Variants in PCDHA8 observed in about 807,000 individuals in gnomAD.
The protein encoded by PCDHA8 is protocadherin alpha 8.
In PCDHA8, 53 loss-of-function variants were observed where a neutral mutation model predicts 61.8. The observed-to-expected ratio is 0.86, with a 90% CI of 0.69 to 1.08. The LOEUF (loss-of-function observed/expected upper bound fraction) is 1.08, where lower values mean the gene tolerates loss of function less well. Ranked by LOEUF, PCDHA8 falls within the 50% of genes least tolerant of loss-of-function variation. The pLI is 0.00. For synonymous variants in PCDHA8, 618 were observed against 556.6 expected (o/e 1.11, Z -1.55); for missense variants, 1,293 against 1,245.0 (o/e 1.04, Z -0.58).
chr5:141,010,034 A>G lies in PCDHA8; in HGVS notation c.*97A>G. On this transcript the variant is annotated 3_prime_UTR_variant, in exon 4 of 4. Transcript: ENST00000531613. Reference sequence around the variant, plus strand: ...CCTGCTCCTTTTTCCTATCTACATGAGCCCTCTTAGAGACCTCAGAAATCT... The same window carrying G: ...CCTGCTCCTTTTTCCTATCTACATGGGCCCTCTTAGAGACCTCAGAAATCT... 6.3e-7 allele frequency: 1 copy of G among 1,582,208 alleles called. No individual in the cohort carries two copies.
In PCDHA8 at chr5:140,850,584, A is replaced by G. The variant is rs1484372356; in HGVS notation, c.2394+6869A>G. On this transcript the variant is annotated intron_variant, in intron 1 of 3. Transcript: ENST00000531613. Reference sequence around the variant, plus strand: ...CCCCGAGGTGACGCTGGTGGATGTCAACGTGTACCTGATCATCGCCATCTG... The same window carrying G: ...CCCCGAGGTGACGCTGGTGGATGTCGACGTGTACCTGATCATCGCCATCTG... The G allele has an allele frequency of 2.5e-6, 4 of 1,598,362 alleles. 1 individual carries two copies. The highest frequency in any genetic ancestry group is 3.4e-6 in the Non-Finnish European group (4 of 1,167,826).
chr5:140,890,945 G>A (rs2062873584), intron 1 of PCDHA8, among the ~76,000 whole-genome samples: 1 of 152,132 alleles, frequency 6.6e-6, no homozygotes, highest in Non-Finnish European at 1.5e-5. Flanking sequence ...AGATGCTGGT[G>A]AGGAATGATT....
At chr5:140,903,687 T>C (rs1554191081) in intron 1 of PCDHA8, among the ~76,000 whole-genome samples, 1 of 152,228 alleles carries the variant, frequency 6.6e-6, no homozygotes, top group Non-Finnish European at 1.5e-5. Context: ...GTTTGGTAAA[T>C]AGTTTAAAAT....
intron 1 of PCDHA8, among the ~76,000 whole-genome samples, chr5:140,960,168 T>C (rs569250147): frequency 9.2e-5 from 14 of 152,300 alleles, no homozygotes; most frequent in African/African-American, 3.1e-4. Flanking sequence ...AATACAATTC[T>C]TAAGTTAGGG....
In PCDHA8 at chr5:140,848,841, G is replaced by A. The variant is rs2150422504; in HGVS notation, c.2394+5126G>A. The A allele has an allele frequency of 3.6e-5, 57 of 1,590,472 alleles. 1 individual carries two copies. In the African/African-American group the frequency reaches 7.3e-4, roughly 20 times the overall value. On this transcript the variant is annotated intron_variant, in intron 1 of 3. Transcript: ENST00000531613. ...GGTGATCGTAGACAGGCCGCTGCAG[G>A]TTTTCCATGTGGACGTGGAGGTGAA...
At chr5:140,968,062 G>A in intron 1 of PCDHA8, 2 of 1,614,120 alleles carry the variant, frequency 1.2e-6, no homozygotes, top group Non-Finnish European at 1.7e-6. Flanking sequence ...GAGAGCGGGT[G>A]GCTGTCTACA....
intron 1 of PCDHA8, chr5:140,927,238 G>A (rs782670286): frequency 1.2e-6 from 2 of 1,614,122 alleles, no homozygotes; most frequent in Non-Finnish European, 1.7e-6. Flanking sequence ...TCACGTCCTG[G>A]ACACCAATGA....
At chr5:140,896,450 C>G (rs1009231622) in intron 1 of PCDHA8, among the ~76,000 whole-genome samples, 5 of 152,092 alleles carry the variant, frequency 3.3e-5, no homozygotes, top group Admixed American at 1.3e-4. Flanking sequence ...GCAACCTCCA[C>G]CTCCTGGGTT....
chr5:140,924,437 T>A (rs2081836231), intron 1 of PCDHA8, among the ~76,000 whole-genome samples: 1 of 152,206 alleles, frequency 6.6e-6, no homozygotes, highest in Admixed American at 6.5e-5. Flanking sequence ...CTAGAAGAGA[T>A]AACGAATGGG....
At chr5:140,853,249 A>G in intron 1 of PCDHA8, 1 of 975,702 alleles carries the variant, frequency 1.0e-6, no homozygotes, top group Non-Finnish European at 1.2e-6. Flanking sequence ...ATTAATCTCT[A>G]TTCTCTCTCA....
Position 140,841,368 on chromosome 5 carries a change from T to C in PCDHA8, c.47T>C (p.Leu16Pro), listed in dbSNP as rs2150314322. The C allele has an allele frequency of 9.3e-6, 15 of 1,613,308 alleles. No homozygotes were observed. Among genetic ancestry groups the C allele is most frequent in the Non-Finnish European group, 1.3e-5 (15 of 1,179,674 alleles). The change falls in exon 1 of 4, where the codon CTC becomes CCC. Residue 16 changes from leucine (L) to proline (P), a missense_variant. Leu to Pro is a moderately conservative substitution (Grantham distance 98). Transcript: ENST00000531613. ...RGELGSWRLL[L>P]LLLLLAAWKV... ...GAGCTGGGATCCTGGCGACTACTAC[T>C]CTTGCTTCTGCTCCTCGCAGCCTGG...
rs1554206636 is a variant in PCDHA8, at chr5:140,929,056, A to G, written c.2395-49893A>G. The G allele has an allele frequency of 1.2e-6, 2 of 1,614,064 alleles. No individual in the cohort carries two copies. Among genetic ancestry groups the G allele is most frequent in the Non-Finnish European group, 1.7e-6 (2 of 1,180,034 alleles). On this transcript the variant is annotated intron_variant, in intron 1 of 3. Transcript: ENST00000531613. ...TTGCGCTCAGAGCTGCTGTCGCTCTACAGAGGATCTGAGGTATGGAAGTAA... is the reference window on the plus strand; with the variant it reads ...TTGCGCTCAGAGCTGCTGTCGCTCTGCAGAGGATCTGAGGTATGGAAGTAA...
intron 3 of PCDHA8, among the ~76,000 whole-genome samples, chr5:140,989,495 A>G (rs1408191575): frequency 6.6e-6 from 1 of 152,136 alleles, no homozygotes; most frequent in African/African-American, 2.4e-5. Context: ...AACAAGAAAG[A>G]CCTGCTTATA....
chr5:140,882,666 T>G, intron 1 of PCDHA8: 1 of 1,614,160 alleles, frequency 6.2e-7, no homozygotes, highest in Non-Finnish European at 8.5e-7. Flanking sequence ...CCGCCCATAT[T>G]CCCTGAAAGC....
Position 140,906,732 on chromosome 5 carries a change from T to G in PCDHA8, c.2394+63017T>G, listed in dbSNP as rs535007647. On this transcript the variant is annotated intron_variant, in intron 1 of 3. Coordinates refer to ENST00000531613, the MANE Select transcript of PCDHA8 (RefSeq NM_018911.3). ...CTGCCTGGATTGTGCTGTTGTAGTT[T>G]CCCATTGACACAGGGCATGGTAATA... Among the ~76,000 whole-genome samples, 14 of 152,296 alleles carry G rather than the reference T, an allele frequency of 9.2e-5. No individual in the cohort carries two copies. The South Asian group carries it at 2.7e-3, about 29-fold the overall frequency.
intron 1 of PCDHA8, chr5:140,867,441 G>A (rs1188505395): frequency 1.3e-5 from 2 of 152,032 alleles, no homozygotes; most frequent in African/African-American, 4.8e-5. Flanking sequence ...GCATTTACCT[G>A]AATTAGAGTT....
At chr5:140,890,248 A>G (rs2062564503) in intron 1 of PCDHA8, among the ~76,000 whole-genome samples, 1 of 152,096 alleles carries the variant, frequency 6.6e-6, no homozygotes, top group Non-Finnish European at 1.5e-5. Context: ...CCAGTACACT[A>G]CTGCACCTGA....
rs568722959 is a variant in PCDHA8 at position 140,970,085 on chromosome 5, T to C, written c.2395-8864T>C. Among the ~76,000 whole-genome samples the C allele has an allele frequency of 2.6e-5, 4 of 151,946 alleles. No homozygotes were observed. The East Asian group carries it at 7.7e-4, about 29-fold the overall frequency. ...TATTAGAATGAGTGGATTAGGGGTG[T>C]GGGGGGATGGTGAAGACCAAGAGAA... is the stretch of plus-strand genomic sequence containing the variant. On this transcript the variant is annotated intron_variant, in intron 1 of 3. Coordinates refer to ENST00000531613, the MANE Select transcript of PCDHA8 (RefSeq NM_018911.3).
chr5:140,872,703 G>C (rs1582092486), intron 1 of PCDHA8, among the ~76,000 whole-genome samples: 1 of 152,114 alleles, frequency 6.6e-6, no homozygotes, highest in Admixed American at 6.5e-5. Context: ...TGATTCCAAA[G>C]GAAACTAGGT....
Sources: allele counts gnomAD v4.1 joint callset (sites outside exome capture counted in the v4.1 genomes callset), GRCh38; gene constraint gnomAD v4.1.1; transcripts MANE v1.5; gene names NCBI Gene and HGNC (gene_info 2026-07-23, HGNC 2026-07-21).